TRPC6: variants seen among roughly 807,000 people sequenced by gnomAD.
TRPC6 encodes short transient receptor potential channel 6.
In TRPC6, 55 loss-of-function variants were observed where a neutral mutation model predicts 90.7. The observed-to-expected ratio is 0.61, with a 90% CI of 0.49 to 0.76. TRPC6 has a LOEUF of 0.76. Ranked by LOEUF, TRPC6 falls within the 30% of genes least tolerant of loss-of-function variation. The probability of loss-of-function intolerance (pLI) is 0.00; values close to 1 mark genes in which losing one functional copy is unlikely to be tolerated. For missense variants in TRPC6, 989 were observed against 1,122.7 expected (o/e 0.88, Z 1.70); for synonymous variants, 393 against 393.0 (o/e 1.00, Z 0.00).
intron 1 of TRPC6, among the ~76,000 whole-genome samples, chr11:101,534,697 G>A (rs908869844): frequency 1.4e-4 from 21 of 152,192 alleles, no homozygotes; most frequent in Admixed American, 1.1e-3. Context: ...AGAAGTAGTG[G>A]TTCATTTAGC....
chr11:101,501,734 T>C (rs1337983573), intron 2 of TRPC6, among the ~76,000 whole-genome samples: 1 of 152,192 alleles, frequency 6.6e-6, no homozygotes, highest in Non-Finnish European at 1.5e-5. Flanking sequence ...GGTTTGTTTT[T>C]GTAAAAAGGC....
At chr11:101,571,683 C>A (rs1861968383) in intron 1 of TRPC6, among the ~76,000 whole-genome samples, 1 of 152,018 alleles carries the variant, frequency 6.6e-6, no homozygotes, top group Non-Finnish European at 1.5e-5. Context: ...TACAGACCAA[C>A]AGAACAGAAC....
intron 1 of TRPC6, among the ~76,000 whole-genome samples, chr11:101,509,498 T>C (rs964066480): frequency 6.6e-6 from 1 of 152,160 alleles, no homozygotes; most frequent in Admixed American, 6.5e-5. Context: ...CATCCAATAC[T>C]AAGTTTACAT....
chr11:101,490,768 G>C (rs747611753), intron 3 of TRPC6, among the ~76,000 whole-genome samples: 8 of 152,068 alleles, frequency 5.3e-5, no homozygotes, highest in African/African-American at 7.2e-5. Flanking sequence ...CTTTTTAAAA[G>C]ATACCTCACA....
At chr11:101,487,104 C>T (rs1005832596) in intron 4 of TRPC6, among the ~76,000 whole-genome samples, 1 of 152,064 alleles carries the variant, frequency 6.6e-6, no homozygotes, top group Non-Finnish European at 1.5e-5. Flanking sequence ...AAATGTGTAA[C>T]TCTAAGGATT....
At chr11:101,542,362 T>C (rs1861193943) in intron 1 of TRPC6, among the ~76,000 whole-genome samples, 1 of 152,196 alleles carries the variant, frequency 6.6e-6, no homozygotes, top group Non-Finnish European at 1.5e-5. Context: ...ATAAAGATAG[T>C]TCCCTTAAGT....
At chr11:101,549,032 T>G (rs750812722) in intron 1 of TRPC6, among the ~76,000 whole-genome samples, 5 of 151,946 alleles carry the variant, frequency 3.3e-5, no homozygotes, top group Non-Finnish European at 5.9e-5. Flanking sequence ...TTTTTGATGT[T>G]TCATGTTCAA....
chr11:101,489,663 G>C (rs749899566), intron 3 of TRPC6, among the ~76,000 whole-genome samples: 9 of 150,904 alleles, frequency 6.0e-5, no homozygotes, highest in Non-Finnish European at 1.3e-4. Flanking sequence ...GAATCTTTAA[G>C]TTTTCATGTA....
chr11:101,544,938 G>A (rs1861265702), intron 1 of TRPC6, among the ~76,000 whole-genome samples: 1 of 152,066 alleles, frequency 6.6e-6, no homozygotes, highest in South Asian at 2.1e-4. Context: ...ACTTTTCTAG[G>A]AATGTACTTG....
intron 1 of TRPC6, among the ~76,000 whole-genome samples, chr11:101,526,781 G>A (rs545750004): frequency 1.8e-4 from 25 of 140,990 alleles, no homozygotes; most frequent in Admixed American, 3.1e-4. Flanking sequence ...GGAGAATCTC[G>A]TCAACCCGGG....
At chr11:101,484,592 G>T (rs1859629854) in intron 4 of TRPC6, among the ~76,000 whole-genome samples, 1 of 94,478 alleles carries the variant, frequency 1.1e-5, no homozygotes, top group African/African-American at 4.2e-5. Context: ...TCTCTCTCAT[G>T]CTATGTGTGT....
intron 1 of TRPC6, among the ~76,000 whole-genome samples, chr11:101,511,382 G>T (rs1565224417): frequency 1.3e-5 from 2 of 151,974 alleles, no homozygotes; most frequent in African/African-American, 2.4e-5. Context: ...ACCCCTCTTT[G>T]CAGAGGGACA....
intron 1 of TRPC6, among the ~76,000 whole-genome samples, chr11:101,518,047 T>C (rs1163971698): frequency 6.6e-6 from 1 of 152,216 alleles, no homozygotes; most frequent in Non-Finnish European, 1.5e-5. Context: ...AATCCTCAGA[T>C]CTTAGCTGGA....
chr11:101,467,337 C>T (rs937850795), intron 10 of TRPC6, among the ~76,000 whole-genome samples: 1 of 152,048 alleles, frequency 6.6e-6, no homozygotes, highest in African/African-American at 2.4e-5. Flanking sequence ...ATATCACTAC[C>T]AAATTATGTA....
rs1862249224 is a variant in TRPC6 at position 101,583,427 on chromosome 11, T to C, written c.77A>G (p.Asn26Ser). The C allele has an allele frequency of 1.9e-6, 3 of 1,560,654 alleles. No individual in the cohort carries two copies. The highest frequency in any genetic ancestry group is 1.8e-5 in the Admixed American group (1 of 54,514). The change falls in exon 1 of 13, where the codon AAC (asparagine) becomes AGC (serine). Residue 26 changes from asparagine to serine, a missense_variant. Transcript: ENST00000344327. ...CATGAGCAGATAGTCCTGGCTCTCGTTGCGCCGCGCAGCGGCTCCGGCAGC... is the reference window on the plus strand; with the variant it reads ...CATGAGCAGATAGTCCTGGCTCTCGCTGCGCCGCGCAGCGGCTCCGGCAGC... ...RGAAGAAARR[N>S]ESQDYLLMDS... is the part of the protein sequence containing the mutation.
intron 2 of TRPC6, among the ~76,000 whole-genome samples, chr11:101,494,139 C>T (rs1403897225): frequency 3.3e-5 from 5 of 152,046 alleles, no homozygotes; most frequent in African/African-American, 9.7e-5. Flanking sequence ...TAGGGCCATG[C>T]GGACGAACTC....
intron 1 of TRPC6, among the ~76,000 whole-genome samples, chr11:101,570,726 A>C (rs1366119122): frequency 6.6e-6 from 1 of 152,196 alleles, no homozygotes; most frequent in Non-Finnish European, 1.5e-5. Context: ...ACATACACAA[A>C]TCAATAAATG....
intron 2 of TRPC6, among the ~76,000 whole-genome samples, chr11:101,502,423 AG>A (rs113152383): frequency 4.3e-4 from 66 of 152,296 alleles, no homozygotes; most frequent in African/African-American, 1.5e-3. Context: ...AACTGTCCCC[AG>A]TAAAAAAGAG....
At chr11:101,523,331 A>G (rs1860704272) in intron 1 of TRPC6, among the ~76,000 whole-genome samples, 1 of 152,162 alleles carries the variant, frequency 6.6e-6, no homozygotes, top group African/African-American at 2.4e-5. Flanking sequence ...TTTTTCTTTT[A>G]CTGGTCACAG....
Sources: allele counts gnomAD v4.1 joint callset (sites outside exome capture counted in the v4.1 genomes callset), GRCh38; gene constraint gnomAD v4.1.1; transcripts MANE v1.5; gene names NCBI Gene and HGNC (gene_info 2026-07-23, HGNC 2026-07-21).